Variants in SIMC1 observed in about 807,000 individuals in gnomAD.
SIMC1 encodes SUMO interacting motifs containing 1, also known as SUMO-interacting motif-containing protein 1.
Under a neutral mutation model 82.3 loss-of-function variants are expected in SIMC1, and 55 were observed. That is an observed-to-expected ratio of 0.67 (90% CI 0.54 to 0.84). SIMC1 has a LOEUF of 0.84. Among genes scored for constraint, SIMC1 ranks in the 40% least tolerant of loss-of-function variants. SIMC1 has a pLI of 0.00. For synonymous variants in SIMC1, 353 were observed against 426.3 expected (o/e 0.83, Z 2.12); for missense variants, 915 against 1,107.2 (o/e 0.83, Z 2.46).
At chr5:176,334,268 C>T (rs1765792930) in intron 7 of SIMC1, among the ~76,000 whole-genome samples, 1 of 152,168 alleles carries the variant, frequency 6.6e-6, no homozygotes, top group Non-Finnish European at 1.5e-5. Flanking sequence ...TGCTCTCTTT[C>T]TTTAAAGAGT....
At chr5:176,286,028 A>C (rs1206343480) in intron 1 of SIMC1, among the ~76,000 whole-genome samples, 1 of 152,238 alleles carries the variant, frequency 6.6e-6, no homozygotes, top group Non-Finnish European at 1.5e-5. Context: ...CATGGATAGG[A>C]GGAATCAATA....
In SIMC1 at chr5:176,345,554, C is replaced by A; in HGVS notation, c.*109C>A. 1 of 1,237,984 alleles carries A rather than the reference C, an allele frequency of 8.1e-7. No homozygotes were observed. The highest frequency in any genetic ancestry group is 1.1e-6 in the Non-Finnish European group (1 of 913,626). 76.7% of individuals were successfully genotyped at this position (1,237,984 alleles called of 1,614,324 possible). A position where few individuals can be genotyped will look rare whatever the true frequency, so the allele number is the denominator to read the frequency against. On this transcript the variant is annotated 3_prime_UTR_variant, in exon 10 of 10. Transcript: ENST00000429602. ...TTAAAATCTTACAGGACCAAACCTG[C>A]ATTATTTAATCAGTAGGTTGTAATT...
At chr5:176,313,644 C>T in intron 4 of SIMC1, 47 bp from the exon 5 acceptor site, 1 of 1,607,026 alleles carries the variant, frequency 6.2e-7, no homozygotes, top group Middle Eastern at 1.7e-4. Flanking sequence ...TGACTGTCAT[C>T]CAAGAGACTG....
chr5:176,315,336 C>G (rs1053370742), intron 5 of SIMC1, among the ~76,000 whole-genome samples: 3 of 152,142 alleles, frequency 2.0e-5, no homozygotes, highest in African/African-American at 4.8e-5. Flanking sequence ...AGTGAGAACT[C>G]ACTCGTTACC....
chr5:176,281,052 T>A (rs563905453), intron 1 of SIMC1, among the ~76,000 whole-genome samples: 4 of 152,244 alleles, frequency 2.6e-5, no homozygotes, highest in Non-Finnish European at 4.4e-5. Flanking sequence ...ATTCTCCCCA[T>A]CACTTTCAGG....
chr5:176,255,050 G>T (rs1761803063), intron 1 of SIMC1, among the ~76,000 whole-genome samples: 1 of 151,854 alleles, frequency 6.6e-6, no homozygotes, highest in African/African-American at 2.4e-5. Flanking sequence ...GCCGAGGTGA[G>T]CAGATCACCT....
At chr5:176,288,419 GAATGAATAAATA>G (rs560326016) in intron 1 of SIMC1, among the ~76,000 whole-genome samples, 20,181 of 104,156 alleles carry the variant, frequency 0.19, 1,406 homozygotes, top group Middle Eastern at 0.33. Flanking sequence ...AAGAATGAAT[GAATGAATAAATA>G]AATAAATAAA....
chr5:176,339,943 C>A (rs1019176869), intron 9 of SIMC1, among the ~76,000 whole-genome samples: 1 of 152,142 alleles, frequency 6.6e-6, no homozygotes, highest in Non-Finnish European at 1.5e-5. Flanking sequence ...CTCATCTCTG[C>A]CTTCTGCGAG....
chr5:176,305,680 G>A (rs1764314312), intron 4 of SIMC1, among the ~76,000 whole-genome samples: 1 of 115,062 alleles, frequency 8.7e-6, no homozygotes, highest in Admixed American at 7.7e-5. Context: ...CCTCTGCCCG[G>A]CCAGCCGCCC....
intron 4 of SIMC1, among the ~76,000 whole-genome samples, chr5:176,301,539 AG>A (rs1172436897): frequency 6.6e-6 from 1 of 152,192 alleles, no homozygotes; most frequent in African/African-American, 2.4e-5. Flanking sequence ...GCACTTTGGG[AG>A]GCCAAGGTGG....
chr5:176,311,262 G>T (rs984571565), intron 4 of SIMC1, among the ~76,000 whole-genome samples: 2 of 152,078 alleles, frequency 1.3e-5, no homozygotes, highest in Non-Finnish European at 1.5e-5. Context: ...TTGAGACAGG[G>T]TCTCTTGCTC....
chr5:176,290,568 C>T lies in SIMC1; in HGVS notation c.1044C>T (p.Asp348=). The T allele has an allele frequency of 6.2e-7, 1 of 1,613,966 alleles. No individual in the cohort carries two copies. Among genetic ancestry groups the T allele is most frequent in the Non-Finnish European group, 8.5e-7 (1 of 1,179,876 alleles). Residue 348 remains aspartate, a synonymous_variant, in exon 2 of 10, where the codon GAC becomes GAT. Transcript: ENST00000429602. The part of the protein sequence containing the change: ...LPGDVLHSPG[D]MPHSSGDVTH... ...GAGATGTGTTACATTCACCTGGAGA[C>T]ATGCCACACTCATCAGGGGACGTGA...
At chr5:176,337,189 A>G (rs574762129) in intron 9 of SIMC1, 43 bp downstream of exon 9, 43 of 1,504,642 alleles carry the variant, frequency 2.9e-5, no homozygotes, top group East Asian at 1.4e-4. Context: ...GAAGGTCTCA[A>G]TGGACATTTG....
chr5:176,345,610 AATCCT>A lies in SIMC1; in HGVS notation c.*172_*176del. 1.5e-6 allele frequency: 1 copy of A among 681,680 alleles called. No homozygotes were observed. The highest frequency in any genetic ancestry group is 3.0e-5 in the East Asian group (1 of 33,820). The allele number at this position is 681,680 out of a possible 1,614,324, so 42.2% of individuals were successfully genotyped here. On this transcript the variant is annotated 3_prime_UTR_variant, in exon 10 of 10. Transcript: ENST00000429602. ...CTCTAGTAAATATCTTTTTTTAAAT[AATCCT>A]ATCCTAGCCTGTTCTCAAATATGGC...
At chr5:176,252,327 C>T (rs1462890391) in intron 1 of SIMC1, among the ~76,000 whole-genome samples, 4 of 151,594 alleles carry the variant, frequency 2.6e-5, no homozygotes, top group Admixed American at 1.3e-4. Context: ...GGCAGAGACG[C>T]TCCTCACTTC....
intron 1 of SIMC1, among the ~76,000 whole-genome samples, chr5:176,288,224 A>G (rs74599290): frequency 6.6e-6 from 1 of 152,174 alleles, no homozygotes; most frequent in Non-Finnish European, 1.5e-5. Context: ...CCTGGCCAAC[A>G]TGGTGAAACC....
At chr5:176,329,199 C>T (rs568730468) in intron 7 of SIMC1, among the ~76,000 whole-genome samples, 19 of 152,244 alleles carry the variant, frequency 1.2e-4, no homozygotes, top group African/African-American at 1.7e-4. Flanking sequence ...TGGCCGGGCG[C>T]GGGGGCTCAC....
intron 4 of SIMC1, among the ~76,000 whole-genome samples, chr5:176,304,977 C>A (rs1272802237): frequency 1.6e-5 from 2 of 123,864 alleles, no homozygotes; most frequent in South Asian, 3.0e-4. Flanking sequence ...AAGTGAGGAG[C>A]CCCTCCGCCC....
intron 4 of SIMC1, chr5:176,308,537 A>T: frequency 6.2e-7 from 1 of 1,603,320 alleles, no homozygotes; most frequent in Non-Finnish European, 8.5e-7. Flanking sequence ...CCTGTTTCAT[A>T]GAAGATAAGA....
Sources: gnomAD v4.1 joint callset for allele counts (sites outside exome capture counted in the v4.1 genomes callset) on GRCh38, gnomAD v4.1.1 for gene constraint, MANE v1.5 for transcripts, NCBI Gene and HGNC (gene_info 2026-07-23, HGNC 2026-07-21) for gene names.